The following TTC9B variants were observed in gnomAD, a reference collection of about 807,000 sequenced individuals.
The protein encoded by TTC9B is tetratricopeptide repeat protein 9B.
Under a neutral mutation model 19.4 loss-of-function variants are expected in TTC9B, and 12 were observed. The observed-to-expected ratio is 0.62, with a 90% CI of 0.40 to 1.00. The LOEUF (loss-of-function observed/expected upper bound fraction) is 1.00. Ranked by LOEUF, TTC9B falls within the 50% of genes least tolerant of loss-of-function variation. TTC9B has a pLI of 0.00. For missense variants in TTC9B, 316 were observed against 345.2 expected (o/e 0.92, Z 0.67); for synonymous variants, 156 against 158.6 (o/e 0.98, Z 0.12).
intron 1 of TTC9B, 119 bp from the exon 2 acceptor site, chr19:40,217,488 A>G: frequency 7.8e-7 from 1 of 1,289,256 alleles, no homozygotes; most frequent in East Asian, 2.5e-5. Flanking sequence ...TGCTCCGGCA[A>G]CCAGGGGCGC....
chr19:40,216,929 C>T, intron 2 of TTC9B: 1 of 578,860 alleles, frequency 1.7e-6, no homozygotes, highest in South Asian at 2.1e-5. Context: ...GTGGCAATGA[C>T]GGTAGATGAG....
At position 40,217,347 on chromosome 19, in the gene TTC9B, C is replaced by G. The variant is rs969008250; in HGVS notation, c.450G>C (p.Leu150=). The G allele has an allele frequency of 5.0e-6, 8 of 1,613,298 alleles. No individual in the cohort carries two copies. The highest frequency in any genetic ancestry group is 3.3e-5 in the Admixed American group (2 of 59,994). The part of the protein sequence containing the change: ...SLTACLLQSE[L]VNYERVREYC... Reference sequence around the variant, plus strand: ...ACTCGCGCACGCGCTCGTAGTTTACCAGCTCCGACTGCAGCAGGCAAGCTG... The same window carrying G: ...ACTCGCGCACGCGCTCGTAGTTTACGAGCTCCGACTGCAGCAGGCAAGCTG... The change falls in exon 2 of 3, where the codon CTG becomes CTC. Residue 150 remains leucine, a synonymous_variant. Coordinates refer to ENST00000311308, the MANE Select transcript of TTC9B (RefSeq NM_152479.6).
Position 40,218,229 on chromosome 19 carries a change from C to A in TTC9B, c.153G>T (p.Ser51=). Residue 51 remains serine (S), a synonymous_variant, in exon 1 of 3, where the codon TCG becomes TCT. Coordinates refer to ENST00000311308, the MANE Select transcript of TTC9B (RefSeq NM_152479.6). This position sits in a 1 kb window ranked among gnomAD's most constrained non-coding sequence, Gnocchi z 4.2. ...TGTCGAGCGCCGCGCCCAGGCTCCCCGACGGCTCTGGGGTAGGACCGGGAC... is the reference window on the plus strand; with the variant it reads ...TGTCGAGCGCCGCGCCCAGGCTCCCAGACGGCTCTGGGGTAGGACCGGGAC... ...SARPGPTPEP[S]GSLGAALDSS... The A allele has an allele frequency of 6.4e-7, 1 of 1,556,920 alleles. No homozygotes were observed. Among genetic ancestry groups the A allele is most frequent in the East Asian group, 2.6e-5 (1 of 38,074 alleles).
rs1456843600 is a variant in TTC9B, at chr19:40,217,198, C to T, written c.599G>A (p.Arg200Gln). ...GCCCCGCCACTCACCTGTGGGTTCC[C>T]GGCTGCGGGCCTCCTGCAGGTAGCG... ...ALRYLQEARS[R>Q]EPTDTNVLRY... The change falls in exon 2 of 3, where the codon CGG (arginine) becomes CAG (glutamine). Residue 200 changes from arginine (R) to glutamine (Q), a missense_variant. Transcript: ENST00000311308. 2 of 1,612,168 alleles carry T rather than the reference C, an allele frequency of 1.2e-6. No individual in the cohort carries two copies. The highest frequency in any genetic ancestry group is 1.7e-6 in the Non-Finnish European group (2 of 1,179,566).
chr19:40,217,684 C>T, intron 1 of TTC9B: 2 of 509,480 alleles, frequency 3.9e-6, no homozygotes, highest in Non-Finnish European at 6.8e-6. Flanking sequence ...CTTGGGTCCA[C>T]GTGCGGCCAG....
chr19:40,217,982 C>A lies in TTC9B; in HGVS notation c.400G>T (p.Glu134Ter). 1 of 1,494,424 alleles carries A rather than the reference C, an allele frequency of 6.7e-7. No homozygotes were observed. The allele number at this position is 1,494,424 out of a possible 1,614,324, so 92.6% of individuals were successfully genotyped here. A position where few individuals can be genotyped will look rare whatever the true frequency, so the allele number is the denominator to read the frequency against. Residue 134 changes from glutamate (E) to a stop codon, truncating the protein, a stop_gained, in exon 1 of 3, where the codon GAG becomes TAG. Coordinates refer to ENST00000311308, the MANE Select transcript of TTC9B (RefSeq NM_152479.6). LOFTEE classifies it high-confidence loss of function. ...GTGAGGGAGTCGTAACACTCCACCTCCGTGCTCTCCACCAGGCGCCGCTGC... is the reference window on the plus strand; with the variant it reads ...GTGAGGGAGTCGTAACACTCCACCTACGTGCTCTCCACCAGGCGCCGCTGC... ...EEQRRLVEST[E>*]VECYDSLTAC...
chr19:40,218,152 C>G lies in TTC9B; in HGVS notation c.230G>C (p.Arg77Pro). Residue 77 changes from arginine to proline, a missense_variant, in exon 1 of 3, where the codon CGA becomes CCA. Arg to Pro is a moderately radical substitution (Grantham distance 103, BLOSUM62 -2). Coordinates refer to ENST00000311308, the MANE Select transcript of TTC9B (RefSeq NM_152479.6). This position sits in a 1 kb window ranked among gnomAD's most constrained non-coding sequence, Gnocchi z 4.2. ...GATGGCCTCCCGGAACTTCTTCTCT[C>G]GATAGCAGCGCTGGCCCTCTGCCTT... ...AFKAEGQRCY[R>P]EKKFREAIGK... 6.4e-7 allele frequency: 1 copy of G among 1,574,702 alleles called. No homozygotes were observed. The highest frequency in any genetic ancestry group is 2.6e-5 in the East Asian group (1 of 39,152).
At chr19:40,217,135 C>A in intron 2 of TTC9B, 52 bp downstream of exon 2, 1 of 1,559,356 alleles carries the variant, frequency 6.4e-7, no homozygotes, top group Non-Finnish European at 8.7e-7. Context: ...CGCTGCAGCC[C>A]CTTTCCCCGC....
Position 40,218,206 on chromosome 19 carries a change from T to C in TTC9B, c.176A>G (p.Asp59Gly). The C allele has an allele frequency of 6.4e-7, 1 of 1,572,186 alleles. No homozygotes were observed. The highest frequency in any genetic ancestry group is 8.6e-7 in the Non-Finnish European group (1 of 1,163,968). The change falls in exon 1 of 3, where the codon GAC becomes GGC. Residue 59 changes from aspartate (D) to glycine (G), a missense_variant. Asp to Gly is a moderately conservative substitution (Grantham distance 94). Transcript: ENST00000311308. The surrounding 1 kb of genome is among the most constrained non-coding windows in gnomAD (Gnocchi z 4.2). ...EPSGSLGAAL[D>G]SSLRAAVAFK... Reference sequence around the variant, plus strand: ...CGCCACGGCGGCACGCAGGCTGCTGTCGAGCGCCGCGCCCAGGCTCCCCGA... The same window carrying C: ...CGCCACGGCGGCACGCAGGCTGCTGCCGAGCGCCGCGCCCAGGCTCCCCGA...
At chr19:40,217,607 C>T in intron 1 of TTC9B, 1 of 564,276 alleles carries the variant, frequency 1.8e-6, no homozygotes, top group Non-Finnish European at 3.1e-6. Flanking sequence ...TGGGCAAGAG[C>T]ACTAAGGCCC....
In TTC9B at chr19:40,216,085, C is replaced by T. The variant is rs1973358135; in HGVS notation, c.*78G>A. ...ATGATCACCAGTGACAAGTGTTTTA[C>T]CAACAAACACATGAGTCGGGGGAAG... On this transcript the variant is annotated 3_prime_UTR_variant, in exon 3 of 3. Transcript: ENST00000311308. 4 of 1,189,866 alleles carry T rather than the reference C, an allele frequency of 3.4e-6. No individual in the cohort carries two copies. Among genetic ancestry groups the T allele is most frequent in the Admixed American group, 1.7e-5 (1 of 58,378 alleles). 73.7% of individuals were successfully genotyped at this position (1,189,866 alleles called of 1,614,324 possible). A position where few individuals can be genotyped will look rare whatever the true frequency, so the allele number is the denominator to read the frequency against.
chr19:40,216,613 C>A (rs1244568293), intron 2 of TTC9B: 1 of 363,970 alleles, frequency 2.7e-6, no homozygotes, highest in Non-Finnish European at 5.1e-6. Flanking sequence ...GCTCCCACAA[C>A]CCTGCACCTG....
chr19:40,217,382 C>T lies in TTC9B; in HGVS notation c.428-13G>A. On this transcript the variant is annotated splice_polypyrimidine_tract_variant and intron_variant, in intron 1 of 2. Transcript: ENST00000311308. ...TGCAGCAGGCAAGCTGCGAGGGCCC[C>T]GCGGCCGGCACTCTCAGAGCCTGCT... The T allele has an allele frequency of 6.2e-7, 1 of 1,607,408 alleles. No homozygotes were observed. Among genetic ancestry groups the T allele is most frequent in the Non-Finnish European group, 8.5e-7 (1 of 1,175,630 alleles).
rs766105162 is a variant in TTC9B at position 40,217,177 on chromosome 19, C to T, written c.610+10G>A. The T allele has an allele frequency of 6.2e-7, 1 of 1,607,816 alleles. No homozygotes were observed. Among genetic ancestry groups the T allele is most frequent in the Non-Finnish European group, 8.5e-7 (1 of 1,178,138 alleles). On this transcript the variant is annotated intron_variant, in intron 2 of 2. Coordinates refer to ENST00000311308, the MANE Select transcript of TTC9B (RefSeq NM_152479.6). ...CCCAGCCCTCACCTCTGCCCCGCCC[C>T]GCCACTCACCTGTGGGTTCCCGGCT...
In TTC9B at chr19:40,216,281, G is replaced by A. The variant is rs1158847735; in HGVS notation, c.611-9C>T. The A allele has an allele frequency of 8.1e-6, 13 of 1,612,204 alleles. No individual in the cohort carries two copies. The highest frequency in any genetic ancestry group is 1.0e-5 in the Non-Finnish European group (12 of 1,178,712). On this transcript the variant is annotated splice_polypyrimidine_tract_variant and intron_variant, in intron 2 of 2. Coordinates refer to ENST00000311308, the MANE Select transcript of TTC9B (RefSeq NM_152479.6). ...GCGGAGCACATTGGTGTCTGCAGGG[G>A]AGGTGGGCAGGGCATCATCTGGGTG...
In TTC9B at chr19:40,216,202, G is replaced by A. The variant is rs202246852; in HGVS notation, c.681C>T (p.Asp227=). The part of the protein sequence containing the change: ...KMNRCSLQRE[D]SGAGSQTRDV... ...CCCGAGTCTGGGACCCAGCCCCACT[G>A]TCTTCCCGCTGGAGGCTGCAACGAT... Residue 227 remains aspartate, a synonymous_variant, in exon 3 of 3, where the codon GAC becomes GAT. Transcript: ENST00000311308. 552 of 1,614,230 alleles carry A rather than the reference G, an allele frequency of 3.4e-4. 7 individuals are homozygous for A. The South Asian group carries it at 4.2e-3, about 12-fold the overall frequency.
intron 1 of TTC9B, 147 bp from the exon 2 acceptor site, chr19:40,217,516 G>T (rs1973386304): frequency 9.7e-7 from 1 of 1,035,356 alleles, no homozygotes; most frequent in Non-Finnish European, 1.4e-6. Flanking sequence ...CTCGCCTATC[G>T]AAACAGGCGC....
At chr19:40,217,430 C>A in intron 1 of TTC9B, 61 bp from the exon 2 acceptor site, 1 of 1,558,610 alleles carries the variant, frequency 6.4e-7, no homozygotes, top group South Asian at 1.2e-5. Flanking sequence ...ACCCACCTGA[C>A]TGCGAGGAGC....
At chr19:40,216,937 G>A in intron 2 of TTC9B, 1 of 584,190 alleles carries the variant, frequency 1.7e-6, no homozygotes. Context: ...GACGGTAGAT[G>A]AGAAATGGCC....
Sources: allele counts gnomAD v4.1 joint callset, GRCh38; gene constraint gnomAD v4.1.1; non-coding constraint Gnocchi (gnomAD v3.1); transcripts MANE v1.5; gene names NCBI Gene and HGNC (gene_info 2026-07-23, HGNC 2026-07-21).